TENM3: variants seen among roughly 807,000 people sequenced by gnomAD.
TENM3 encodes the protein teneurin-3.
TENM3 carries 63 observed loss-of-function variants against 255.1 expected under a neutral mutation model. That is an observed-to-expected ratio of 0.25 (90% CI 0.20 to 0.30). The LOEUF (loss-of-function observed/expected upper bound fraction) is 0.30, where lower values mean the gene tolerates loss of function less well. TENM3 is among the 10% of genes least tolerant of loss of function. The pLI is 1.00. For missense variants in TENM3, 2,929 were observed against 3,461.1 expected, an observed-to-expected ratio of 0.85 and a Z score of 3.86; for synonymous variants, 1,306 against 1,322.3, an observed-to-expected ratio of 0.99 and a Z score of 0.27.
intron 1 of TENM3, among the ~76,000 whole-genome samples, chr4:182,186,762 CATATATATATATATAT>C (rs70954298): frequency 0.06 from 1,646 of 27,352 alleles, 69 homozygotes; most frequent in Middle Eastern, 0.18. Flanking sequence ...ACTAATGCAT[CATATATATATATATAT>C]ATATATATAT....
chr4:182,778,994 T>C (rs1764922952), intron 24 of TENM3, among the ~76,000 whole-genome samples: 1 of 151,522 alleles, frequency 6.6e-6, no homozygotes, highest in East Asian at 1.9e-4. Flanking sequence ...TTAGTTTTAT[T>C]TTAGAGACAG....
chr4:182,140,037 A>G (rs1749285534), upstream of TENM3, among the ~76,000 whole-genome samples: 2 of 152,256 alleles, frequency 1.3e-5, no homozygotes, highest in Non-Finnish European at 2.9e-5. Flanking sequence ...TGATCGAATT[A>G]AAATATTTGT....
the TENM3 span, among the ~76,000 whole-genome samples, chr4:181,478,578 G>A: frequency 7.2e-5 from 11 of 152,106 alleles, no homozygotes; most frequent in East Asian, 3.9e-4. Context: ...AAAATACACC[G>A]GCCATTTTCA....
intron 1 of TENM3, among the ~76,000 whole-genome samples, chr4:182,235,966 A>G (rs1311534823): frequency 6.6e-6 from 1 of 152,236 alleles, no homozygotes; most frequent in African/African-American, 2.4e-5. Flanking sequence ...CCAAGGGCAA[A>G]GAGAAGCATT....
intron 6 of TENM3, among the ~76,000 whole-genome samples, chr4:182,669,136 G>C (rs1324190350): frequency 6.6e-6 from 1 of 152,004 alleles, no homozygotes; most frequent in African/African-American, 2.4e-5. Flanking sequence ...ATCTTAGAGG[G>C]GAAGAGAACA....
At chr4:181,694,286 A>G in the TENM3 span, among the ~76,000 whole-genome samples, 2 of 152,228 alleles carry the variant, frequency 1.3e-5, no homozygotes, top group Non-Finnish European at 2.9e-5. Flanking sequence ...AGCTATCACT[A>G]CAAAACAACA....
At chr4:181,471,341 T>A in the TENM3 span, among the ~76,000 whole-genome samples, 1 of 152,222 alleles carries the variant, frequency 6.6e-6, no homozygotes, top group Non-Finnish European at 1.5e-5. Context: ...TGTTGGAGAT[T>A]ATCACATTTC....
chr4:182,629,731 A>AAGCCTCAGG, intron 5 of TENM3, among the ~76,000 whole-genome samples: 1 of 152,240 alleles, frequency 6.6e-6, no homozygotes, highest in East Asian at 1.9e-4. Context: ...TTACAAAGCA[A>AAGCCTCAGG]TTTGTGATGC....
chr4:181,474,517 T>A, the TENM3 span, among the ~76,000 whole-genome samples: 1 of 151,954 alleles, frequency 6.6e-6, no homozygotes, highest in East Asian at 1.9e-4. Flanking sequence ...AGGCGAATCA[T>A]GGGGTCAGGA....
At chr4:182,250,229 T>C (rs1757925131) in intron 1 of TENM3, among the ~76,000 whole-genome samples, 1 of 151,834 alleles carries the variant, frequency 6.6e-6, no homozygotes, top group Non-Finnish European at 1.5e-5. Context: ...CTTTTTTGTA[T>C]TTTTAGTAGA....
the TENM3 span, among the ~76,000 whole-genome samples, chr4:181,944,787 C>G: frequency 3.9e-5 from 6 of 152,032 alleles, no homozygotes; most frequent in East Asian, 1.2e-3. Context: ...GCAGACAGAG[C>G]CTGGGTCCCC....
the TENM3 span, among the ~76,000 whole-genome samples, chr4:181,786,398 G>A: frequency 6.6e-4 from 101 of 152,262 alleles, no homozygotes; most frequent in South Asian, 0.012. Flanking sequence ...CTCAGAGGGG[G>A]GCCAGATGGT....
At chr4:182,779,049 T>G (rs1225768450) in intron 24 of TENM3, among the ~76,000 whole-genome samples, 1 of 132,986 alleles carries the variant, frequency 7.5e-6, no homozygotes. Context: ...CTTTTTTTTT[T>G]TCCTTTTCTT....
intron 1 of TENM3, among the ~76,000 whole-genome samples, chr4:182,158,074 C>T (rs1308420091): frequency 1.3e-5 from 2 of 152,134 alleles, no homozygotes; most frequent in African/African-American, 2.4e-5. Context: ...GACATAGCCT[C>T]AGAGTCAGAG....
chr4:182,725,691 A>C (rs1264941991), intron 13 of TENM3, among the ~76,000 whole-genome samples: 1 of 137,014 alleles, frequency 7.3e-6, no homozygotes, highest in East Asian at 2.1e-4. Flanking sequence ...GCTGGAGTGC[A>C]GTGGCGCGAT....
At chr4:182,237,675 G>A (rs1336923264) in intron 1 of TENM3, among the ~76,000 whole-genome samples, 1 of 152,130 alleles carries the variant, frequency 6.6e-6, no homozygotes, top group African/African-American at 2.4e-5. Context: ...TAATGTCGTG[G>A]CCGTATTGTC....
At chr4:182,187,574 A>G (rs1441872750) in intron 1 of TENM3, among the ~76,000 whole-genome samples, 1 of 152,166 alleles carries the variant, frequency 6.6e-6, no homozygotes, top group East Asian at 1.9e-4. Flanking sequence ...GGCAGAGCTC[A>G]GAAATGGGCA....
At chr4:182,477,498 G>A (rs544469416) in intron 3 of TENM3, among the ~76,000 whole-genome samples, 3 of 152,244 alleles carry the variant, frequency 2.0e-5, no homozygotes, top group African/African-American at 7.2e-5. Flanking sequence ...AGTTCCTAAA[G>A]GTTAAAAACT....
the TENM3 span, among the ~76,000 whole-genome samples, chr4:181,678,933 T>C: frequency 6.6e-6 from 1 of 151,862 alleles, no homozygotes. Context: ...ATAATACAAA[T>C]TAATTTTTGA....
Sources: allele counts gnomAD v4.1 joint callset (sites outside exome capture counted in the v4.1 genomes callset), GRCh38; gene constraint gnomAD v4.1.1; transcripts MANE v1.5; gene names NCBI Gene and HGNC (gene_info 2026-07-23, HGNC 2026-07-21).